Variants in NOS1 observed in about 807,000 individuals in gnomAD.
NOS1 encodes the protein NOS type I.
Under a neutral mutation model 164.5 loss-of-function variants are expected in NOS1, and 51 were observed. The observed-to-expected ratio is 0.31, with a 90% CI of 0.25 to 0.39. The LOEUF is 0.39. Ranked by LOEUF, NOS1 falls within the 10% of genes least tolerant of loss-of-function variation. NOS1 has a pLI of 1.00. For synonymous variants in NOS1, 719 were observed against 745.8 expected (o/e 0.96, Z 0.59); for missense variants, 1,362 against 1,885.6 (o/e 0.72, Z 5.14).
chr12:117,323,941 C>CT (rs1003868920), intron 2 of NOS1, among the ~76,000 whole-genome samples: 4 of 151,848 alleles, frequency 2.6e-5, no homozygotes, highest in Admixed American at 6.6e-5. Context: ...ACCACCACGT[C>CT]TGGCTAATTT....
At chr12:117,314,202 C>T (rs1874572015) in intron 2 of NOS1, among the ~76,000 whole-genome samples, 2 of 152,182 alleles carry the variant, frequency 1.3e-5, no homozygotes, top group South Asian at 4.1e-4. Context: ...CTGTTTTACC[C>T]TTTAAAATGT....
At chr12:117,215,980 C>T (rs1274904275) in intron 28 of NOS1, among the ~76,000 whole-genome samples, 3 of 146,748 alleles carry the variant, frequency 2.0e-5, no homozygotes, top group Admixed American at 7.1e-5. Context: ...TAGGTTCAAG[C>T]GATTCCTGTG....
At chr12:117,237,542 TC>T (rs906846953) in intron 20 of NOS1, among the ~76,000 whole-genome samples, 4 of 151,876 alleles carry the variant, frequency 2.6e-5, no homozygotes, top group Non-Finnish European at 5.9e-5. Context: ...TATTCCCTTC[TC>T]CCCCCGAGTG....
chr12:117,240,783 A>G (rs1227633679), intron 20 of NOS1, among the ~76,000 whole-genome samples: 1 of 152,170 alleles, frequency 6.6e-6, no homozygotes, highest in Non-Finnish European at 1.5e-5. Flanking sequence ...GACCACCTAA[A>G]TGACTTGGCC....
At chr12:117,269,053 G>C (rs529495183) in intron 10 of NOS1, among the ~76,000 whole-genome samples, 3 of 152,294 alleles carry the variant, frequency 2.0e-5, no homozygotes, top group African/African-American at 7.2e-5. Context: ...GGGGAAGAGA[G>C]AGATACTTAA....
Position 117,259,336 on chromosome 12 carries a change from C to T in NOS1, c.2368-206G>A, listed in dbSNP as rs971832260. Among the ~76,000 whole-genome samples the T allele has an allele frequency of 3.9e-5, 6 of 152,298 alleles. No homozygotes were observed. The East Asian group carries it at 7.7e-4, about 20-fold the overall frequency. ...GTGGGCTCAAGTGGGTAGAACTAAA[C>T]GCTTTTTGGTAGCGTGGGACCTTGC... is the stretch of plus-strand genomic sequence containing the variant. On this transcript the variant is annotated intron_variant, in intron 14 of 28. Transcript: ENST00000317775.
In NOS1 at chr12:117,320,939, C is replaced by A. The variant is rs1874888836; in HGVS notation, c.726-9347G>T. Among the ~76,000 whole-genome samples, 3 of 152,256 alleles carry A rather than the reference C, an allele frequency of 2.0e-5. No homozygotes were observed. The South Asian group carries it at 6.2e-4, about 32-fold the overall frequency. ...ATCTAATGCTCTACCAAACCCCAAG[C>A]CCCTTTTCTTCAAATCACTGTTTTA... On this transcript the variant is annotated intron_variant, in intron 2 of 28. Coordinates refer to ENST00000317775, the MANE Select transcript of NOS1 (RefSeq NM_000620.5).
At chr12:117,282,934 C>A (rs968128913) in intron 7 of NOS1, among the ~76,000 whole-genome samples, 9 of 151,952 alleles carry the variant, frequency 5.9e-5, no homozygotes, top group African/African-American at 2.2e-4. Context: ...ACATCTATAC[C>A]TGTACTCTCC....
intron 3 of NOS1, chr12:117,309,307 T>A: frequency 1.0e-6 from 1 of 983,118 alleles, no homozygotes; most frequent in Non-Finnish European, 1.2e-6. Context: ...GGACCATGGG[T>A]CTGACCTACC....
At position 117,359,876 on chromosome 12, in the gene NOS1, T is replaced by TATATA. The variant is rs1877038693; in HGVS notation, c.-421+1635_-421+1636insTATAT. Among the ~76,000 whole-genome samples the TATATA allele has an allele frequency of 5.4e-3, 201 of 36,958 alleles. 32 individuals are homozygous for TATATA. Among genetic ancestry groups the TATATA allele is most frequent in the South Asian group, 0.011 (10 of 896 alleles). The allele number at this position is 36,958 out of a possible 152,430, so 24.2% of individuals were successfully genotyped here. On this transcript the variant is annotated intron_variant, in intron 1 of 28. Transcript: ENST00000317775. ...GTCCCAGAGCATTACAATAATGGTTTTATATATATATATATATATATATAT... is the reference window on the plus strand; with the variant it reads ...GTCCCAGAGCATTACAATAATGGTTTATATATATATATATATATATATATATATAT...
intron 21 of NOS1, among the ~76,000 whole-genome samples, chr12:117,233,786 CA>C (rs1471713113): frequency 2.0e-5 from 2 of 101,944 alleles, no homozygotes; most frequent in Non-Finnish European, 3.7e-5. Flanking sequence ...CCAGCCTGGG[CA>C]ACAAGAGCAA....
chr12:117,230,500 T>C (rs1178947339), intron 22 of NOS1, among the ~76,000 whole-genome samples: 1 of 152,208 alleles, frequency 6.6e-6, no homozygotes, highest in East Asian at 1.9e-4. Flanking sequence ...TACTATGCAC[T>C]CGCTAATTAG....
chr12:117,317,934 G>A lies in NOS1; in HGVS notation c.726-6342C>T, dbSNP rs1172178988. ...TGCCTGTGATTCCAGCACTTTAGGAGGCCGAGGTGGGAAGTTTGCTTGAGC... is the reference window on the plus strand; with the variant it reads ...TGCCTGTGATTCCAGCACTTTAGGAAGCCGAGGTGGGAAGTTTGCTTGAGC... On this transcript the variant is annotated intron_variant, in intron 2 of 28. Transcript: ENST00000317775. Among the ~76,000 whole-genome samples, 5 of 152,308 alleles carry A rather than the reference G, an allele frequency of 3.3e-5. No individual in the cohort carries two copies. The South Asian group carries it at 8.3e-4, about 25-fold the overall frequency.
chr12:117,260,036 G>A (rs1307041454), intron 14 of NOS1, among the ~76,000 whole-genome samples: 1 of 151,148 alleles, frequency 6.6e-6, no homozygotes, highest in African/African-American at 2.4e-5. Context: ...GAAGAATGGC[G>A]TGAACCCGGG....
intron 1 of NOS1, among the ~76,000 whole-genome samples, chr12:117,340,634 A>AT (rs1315086147): frequency 6.6e-6 from 1 of 152,098 alleles, no homozygotes; most frequent in African/African-American, 2.4e-5. Context: ...GGTTCAAGTG[A>AT]TTCTCCTGCC....
At chr12:117,289,488 G>A (rs920637834) in intron 4 of NOS1, among the ~76,000 whole-genome samples, 3 of 152,228 alleles carry the variant, frequency 2.0e-5, no homozygotes, top group African/African-American at 7.2e-5. Flanking sequence ...AAACCTGAGA[G>A]GGGCTTCTGG....
At chr12:117,229,851 A>G (rs1869057231) in intron 22 of NOS1, among the ~76,000 whole-genome samples, 1 of 152,220 alleles carries the variant, frequency 6.6e-6, no homozygotes, top group African/African-American at 2.4e-5. Flanking sequence ...GGCCTCCCAA[A>G]GTGCTGGGAT....
chr12:117,283,058 T>TATATATA (rs61594331), intron 7 of NOS1, among the ~76,000 whole-genome samples: 60 of 29,922 alleles, frequency 2.0e-3, no homozygotes, highest in African/African-American at 4.6e-3. Flanking sequence ...ATATATATAT[T>TATATATA]TTTTTTTTTT....
intron 8 of NOS1, among the ~76,000 whole-genome samples, chr12:117,279,386 C>CCCA (rs148739638): frequency 1.3e-5 from 2 of 149,892 alleles, no homozygotes; most frequent in South Asian, 2.1e-4. Context: ...AAAAAAAAAC[C>CCCA]AAAAAAAACA....
Sources: allele counts gnomAD v4.1 joint callset (sites outside exome capture counted in the v4.1 genomes callset), GRCh38; gene constraint gnomAD v4.1.1; transcripts MANE v1.5; gene names NCBI Gene and HGNC (gene_info 2026-07-23, HGNC 2026-07-21).